The following GRIK1 variants were observed in gnomAD, a reference collection of about 807,000 sequenced individuals.
The protein encoded by GRIK1 is glutamate ionotropic receptor kainate type subunit 1, also known as glutamate receptor ionotropic, kainate 1.
GRIK1 carries 69 observed loss-of-function variants against 105.7 expected under a neutral mutation model. The observed-to-expected ratio is 0.65, with a 90% CI of 0.54 to 0.80. The LOEUF is 0.80. Ranked by LOEUF, GRIK1 falls within the 30% of genes least tolerant of loss-of-function variation. The pLI is 0.00. For synonymous variants in GRIK1, 438 were observed against 431.3 expected (o/e 1.02, Z -0.19); for missense variants, 1,109 against 1,167.3 (o/e 0.95, Z 0.73).
At chr21:29,913,072 G>A (rs1312602562) in intron 1 of GRIK1, among the ~76,000 whole-genome samples, 1 of 152,034 alleles carries the variant, frequency 6.6e-6, no homozygotes, top group Non-Finnish European at 1.5e-5. Flanking sequence ...CATATATGGA[G>A]GTTACTTTAT....
At chr21:29,832,247 TG>T (rs2067663520) in intron 1 of GRIK1, among the ~76,000 whole-genome samples, 1 of 152,186 alleles carries the variant, frequency 6.6e-6, no homozygotes, top group Non-Finnish European at 1.5e-5. Context: ...TGAGTGCCTG[TG>T]GCTTTTCCAG....
intron 7 of GRIK1, among the ~76,000 whole-genome samples, chr21:29,610,880 C>T (rs762933526): frequency 4.6e-5 from 7 of 152,078 alleles, no homozygotes; most frequent in Non-Finnish European, 8.8e-5. Context: ...ATTTTCTGTC[C>T]TTAGTAGCTG....
chr21:29,788,076 G>C (rs908906393), intron 1 of GRIK1, among the ~76,000 whole-genome samples: 1 of 152,112 alleles, frequency 6.6e-6, no homozygotes, highest in Non-Finnish European at 1.5e-5. Flanking sequence ...ACAGTTATAG[G>C]TGATAAAGAT....
chr21:29,870,437 T>C (rs886684365), intron 1 of GRIK1, among the ~76,000 whole-genome samples: 4 of 151,916 alleles, frequency 2.6e-5, no homozygotes, highest in African/African-American at 9.7e-5. Context: ...TCTAGCCAGT[T>C]TAGAAGATGA....
chr21:29,749,283 T>C (rs2065121343), intron 1 of GRIK1: 1 of 149,036 alleles, frequency 6.7e-6, no homozygotes, highest in Admixed American at 6.6e-5. Context: ...TATAGTCAGT[T>C]GTTTTACTCA....
At chr21:29,932,645 A>G (rs1318189024) in intron 1 of GRIK1, among the ~76,000 whole-genome samples, 4 of 152,052 alleles carry the variant, frequency 2.6e-5, no homozygotes, top group Non-Finnish European at 4.4e-5. Flanking sequence ...ATAAGTAGGG[A>G]GTTTCCAATT....
intron 1 of GRIK1, among the ~76,000 whole-genome samples, chr21:29,904,138 G>C (rs961584558): frequency 1.3e-5 from 2 of 152,132 alleles, no homozygotes; most frequent in African/African-American, 4.8e-5. Context: ...TGGGATGCTA[G>C]GGGAGGGTTA....
At chr21:29,815,334 A>G (rs985389700) in intron 1 of GRIK1, among the ~76,000 whole-genome samples, 1 of 152,108 alleles carries the variant, frequency 6.6e-6, no homozygotes, top group African/African-American at 2.4e-5. Context: ...TGTATTAGAG[A>G]TATTTGTAGT....
chr21:29,560,578 CTCTTTCTT>C lies in GRIK1; in HGVS notation c.2356+1038_2356+1045del, dbSNP rs1230838086. ...TTTCTTTCTTTCTTTCTTTCTTTCT[CTCTTTCTT>C]TCTTTCTCTCCTTCCTTCCTTCTTT... On this transcript the variant is annotated intron_variant, in intron 15 of 17. Transcript: ENST00000327783. Among the ~76,000 whole-genome samples, 317 of 47,944 alleles carry C rather than the reference CTCTTTCTT, an allele frequency of 6.6e-3. 9 individuals carry two copies. Among genetic ancestry groups the C allele is most frequent in the Non-Finnish European group, 8.0e-3 (193 of 24,172 alleles). 31.5% of individuals were successfully genotyped at this position (47,944 alleles called of 152,430 possible).
chr21:29,745,179 T>C (rs1056990028), intron 1 of GRIK1, among the ~76,000 whole-genome samples: 17 of 152,198 alleles, frequency 1.1e-4, no homozygotes, highest in Admixed American at 2.0e-4. Flanking sequence ...TTGGAAAGGC[T>C]CATATGGCAA....
intron 1 of GRIK1, among the ~76,000 whole-genome samples, chr21:29,707,232 A>G (rs953125353): frequency 2.6e-5 from 4 of 152,138 alleles, no homozygotes; most frequent in Non-Finnish European, 5.9e-5. Flanking sequence ...AAATAATTTT[A>G]TTTTAAAAGC....
intron 9 of GRIK1, among the ~76,000 whole-genome samples, chr21:29,595,067 G>A (rs1052297650): frequency 1.3e-5 from 2 of 151,986 alleles, no homozygotes; most frequent in African/African-American, 4.8e-5. Flanking sequence ...AATTTTTGAC[G>A]GAGTTATAAC....
At chr21:29,783,815 A>C (rs1304565019) in intron 1 of GRIK1, among the ~76,000 whole-genome samples, 2 of 152,240 alleles carry the variant, frequency 1.3e-5, no homozygotes, top group Non-Finnish European at 2.9e-5. Flanking sequence ...TGAAAACATA[A>C]AACAATCACA....
intron 4 of GRIK1, among the ~76,000 whole-genome samples, chr21:29,664,635 A>T (rs1451315756): frequency 1.3e-5 from 2 of 152,126 alleles, no homozygotes; most frequent in Non-Finnish European, 2.9e-5. Context: ...AATCTGGCAC[A>T]TAATTTGGCT....
chr21:29,858,695 C>T (rs2068540395), intron 1 of GRIK1, among the ~76,000 whole-genome samples: 1 of 152,112 alleles, frequency 6.6e-6, no homozygotes, highest in Non-Finnish European at 1.5e-5. Flanking sequence ...CATGATACCA[C>T]TCCTGCCAAG....
At chr21:29,555,791 A>G (rs2090238188) in intron 15 of GRIK1, among the ~76,000 whole-genome samples, 1 of 152,194 alleles carries the variant, frequency 6.6e-6, no homozygotes, top group South Asian at 2.1e-4. Flanking sequence ...CAAATTATAA[A>G]CAGAACTGAA....
intron 7 of GRIK1, among the ~76,000 whole-genome samples, chr21:29,620,810 T>TAG (rs1568897692): frequency 1.3e-3 from 146 of 114,954 alleles, no homozygotes; most frequent in African/African-American, 3.4e-3. Flanking sequence ...TATATAGATA[T>TAG]ATATATATAG....
intron 1 of GRIK1, among the ~76,000 whole-genome samples, chr21:29,811,320 C>G (rs957235366): frequency 6.6e-6 from 1 of 152,114 alleles, no homozygotes; most frequent in Non-Finnish European, 1.5e-5. Flanking sequence ...TGTGTGCACT[C>G]TGTCCGTAAT....
At chr21:29,643,000 A>G in intron 6 of GRIK1, 31 bp from the exon 7 acceptor site, 1 of 1,605,582 alleles carries the variant, frequency 6.2e-7, no homozygotes, top group Non-Finnish European at 8.5e-7. Flanking sequence ...CGCATCTTAA[A>G]TTCCACTTTT....
Sources: allele counts gnomAD v4.1 joint callset (sites outside exome capture counted in the v4.1 genomes callset), GRCh38; gene constraint gnomAD v4.1.1; transcripts MANE v1.5; gene names NCBI Gene and HGNC (gene_info 2026-07-23, HGNC 2026-07-21).